PRKACB: variants seen among roughly 807,000 people sequenced by gnomAD.
The protein encoded by PRKACB is cAMP-dependent protein kinase catalytic subunit beta.
PRKACB carries 16 observed loss-of-function variants against 51.4 expected under a neutral mutation model. The observed-to-expected ratio is 0.31, with a 90% CI of 0.21 to 0.47. The LOEUF (loss-of-function observed/expected upper bound fraction) is 0.47, where lower values mean the gene tolerates loss of function less well. Among genes scored for constraint, PRKACB ranks in the 20% least tolerant of loss-of-function variants. The probability of loss-of-function intolerance (pLI) is 1.00; values close to 1 mark genes in which losing one functional copy is unlikely to be tolerated. For missense variants in PRKACB, 309 were observed against 464.5 expected, an observed-to-expected ratio of 0.67 and a Z score of 3.08; for synonymous variants, 147 against 154.4, an observed-to-expected ratio of 0.95 and a Z score of 0.35.
At chr1:84,166,976 A>AATG (rs2100755879) in intron 1 of PRKACB, among the ~76,000 whole-genome samples, 1 of 151,642 alleles carries the variant, frequency 6.6e-6, no homozygotes, top group South Asian at 2.1e-4. Context: ...GATATCTGTT[A>AATG]ATGATCTCAC....
At chr1:84,211,015 GA>G (rs1320236261) in intron 8 of PRKACB, among the ~76,000 whole-genome samples, 2 of 152,012 alleles carry the variant, frequency 1.3e-5, no homozygotes, top group Non-Finnish European at 2.9e-5. Flanking sequence ...CTACCTATGA[GA>G]ATCTCTGGGG....
At chr1:84,200,324 T>C (rs1191829363) in intron 7 of PRKACB, among the ~76,000 whole-genome samples, 1 of 152,220 alleles carries the variant, frequency 6.6e-6, no homozygotes, top group Non-Finnish European at 1.5e-5. Flanking sequence ...GCCCACCTTT[T>C]CATGGGGTTG....
At chr1:84,175,173 AT>A in intron 1 of PRKACB, 3 of 981,126 alleles carry the variant, frequency 3.1e-6, no homozygotes, top group Middle Eastern at 3.9e-4. Flanking sequence ...AGTTAATGAA[AT>A]ATTTTCATTG....
At chr1:84,093,830 A>T (rs923343522) in intron 1 of PRKACB, among the ~76,000 whole-genome samples, 13 of 152,028 alleles carry the variant, frequency 8.6e-5, no homozygotes, top group African/African-American at 3.1e-4. Context: ...ATATAATTTT[A>T]AAAATTACAT....
intron 9 of PRKACB, among the ~76,000 whole-genome samples, chr1:84,234,782 G>A (rs898516971): frequency 6.6e-6 from 1 of 152,210 alleles, no homozygotes; most frequent in South Asian, 2.1e-4. Context: ...CTCGCACACG[G>A]TGCGTGCACC....
At chr1:84,158,253 G>C (rs1480227725) in intron 1 of PRKACB, among the ~76,000 whole-genome samples, 1 of 151,982 alleles carries the variant, frequency 6.6e-6, no homozygotes, top group Non-Finnish European at 1.5e-5. Context: ...GGCCAGGCTG[G>C]GCTTGAGCTC....
intron 1 of PRKACB, among the ~76,000 whole-genome samples, chr1:84,125,514 G>A (rs937113188): frequency 6.6e-6 from 1 of 152,124 alleles, no homozygotes; most frequent in African/African-American, 2.4e-5. Flanking sequence ...CATATCCACA[G>A]TTTCCAGGCA....
intron 1 of PRKACB, among the ~76,000 whole-genome samples, chr1:84,171,874 A>G (rs981745250): frequency 6.6e-6 from 1 of 151,656 alleles, no homozygotes; most frequent in Non-Finnish European, 1.5e-5. Context: ...TGTTCTATAC[A>G]TCAGCAACAA....
At chr1:84,234,769 C>T (rs777166994) in intron 9 of PRKACB, among the ~76,000 whole-genome samples, 8 of 152,060 alleles carry the variant, frequency 5.3e-5, no homozygotes, top group Non-Finnish European at 7.4e-5. Context: ...TGCCCTGCTT[C>T]GGCTCGCACA....
chr1:84,196,166 A>G (rs773528899), intron 5 of PRKACB, among the ~76,000 whole-genome samples: 15 of 152,214 alleles, frequency 9.9e-5, no homozygotes, highest in Non-Finnish European at 1.5e-5. Context: ...ATCTGCAGAT[A>G]AATGCAGCTA....
At position 84,176,474 on chromosome 1, in the gene PRKACB, T is replaced by G. The variant is rs186036065; in HGVS notation, c.188-2703T>G. On this transcript the variant is annotated intron_variant, in intron 1 of 9. Transcript: ENST00000370685. ...CCAATATATTGTGAAATATTTTATT[T>G]TTGGTAGATTTGTTATTAAAAGATG... Among the ~76,000 whole-genome samples, 6 of 152,002 alleles carry G rather than the reference T, an allele frequency of 3.9e-5. No individual in the cohort carries two copies. The East Asian group carries it at 1.2e-3, about 29-fold the overall frequency.
intron 1 of PRKACB, among the ~76,000 whole-genome samples, chr1:84,110,778 G>C (rs2792974): frequency 0.18 from 27,330 of 151,732 alleles, 2,743 homozygotes; most frequent in South Asian, 0.25. Context: ...TGTAATTTTT[G>C]CTGGATATGA....
intron 9 of PRKACB, among the ~76,000 whole-genome samples, chr1:84,224,757 G>T (rs1380804616): frequency 1.3e-5 from 2 of 152,304 alleles, no homozygotes; most frequent in South Asian, 4.1e-4. Context: ...TGGGTCTGTT[G>T]TTAGACCCCC....
intron 1 of PRKACB, among the ~76,000 whole-genome samples, chr1:84,164,124 C>T (rs972916717): frequency 6.6e-6 from 1 of 151,966 alleles, no homozygotes; most frequent in African/African-American, 2.4e-5. Flanking sequence ...ATAAGTTATT[C>T]TATGATTCTC....
chr1:84,092,974 C>T (rs1317490196), intron 1 of PRKACB, among the ~76,000 whole-genome samples: 1 of 150,738 alleles, frequency 6.6e-6, no homozygotes, highest in East Asian at 2.0e-4. Context: ...AGTTATTTAA[C>T]ATGGGTACAG....
At chr1:84,230,115 T>G (rs1675362123) in intron 9 of PRKACB, among the ~76,000 whole-genome samples, 1 of 152,022 alleles carries the variant, frequency 6.6e-6, no homozygotes, top group Non-Finnish European at 1.5e-5. Context: ...TTGTATAAGG[T>G]GTAAGGAAGG....
chr1:84,166,306 A>G (rs1657460470), intron 1 of PRKACB, among the ~76,000 whole-genome samples: 2 of 151,762 alleles, frequency 1.3e-5, no homozygotes, highest in Non-Finnish European at 1.5e-5. Flanking sequence ...TGTCATACAT[A>G]TATTTATTTG....
rs1317634655 is a variant in PRKACB, at chr1:84,237,515, G to A, written c.*2210G>A. 6.6e-6 allele frequency: 1 copy of A among 152,292 alleles called. No homozygotes were observed. The highest frequency in any genetic ancestry group is 2.4e-5 in the African/African-American group (1 of 41,322). 9.4% of individuals were successfully genotyped at this position (152,292 alleles called of 1,614,324 possible). The stretch of plus-strand genomic sequence containing the variant: ...TCCCTAGACATACGTTGGTTTTGAG[G>A]GCTATTCAGCCATTCCATTTTACTC... On this transcript the variant is annotated 3_prime_UTR_variant, in exon 10 of 10. Transcript: ENST00000370685.
At chr1:84,187,124 T>A (rs191436354) in intron 5 of PRKACB, among the ~76,000 whole-genome samples, 36 of 152,294 alleles carry the variant, frequency 2.4e-4, no homozygotes, top group Non-Finnish European at 4.1e-4. Flanking sequence ...CTATAGCCAT[T>A]GACTAACATT....
Sources: allele counts gnomAD v4.1 joint callset (sites outside exome capture counted in the v4.1 genomes callset), GRCh38; gene constraint gnomAD v4.1.1; transcripts MANE v1.5; gene names NCBI Gene and HGNC (gene_info 2026-07-23, HGNC 2026-07-21).